The following ZMAT4 variants were observed in gnomAD, a reference collection of about 807,000 sequenced individuals.
ZMAT4 encodes the protein zinc finger matrin-type protein 4.
Under a neutral mutation model 28.7 loss-of-function variants are expected in ZMAT4, and 17 were observed. That is an observed-to-expected ratio of 0.59 (90% CI 0.41 to 0.89). ZMAT4 has a LOEUF of 0.89. ZMAT4 is among the 40% of genes least tolerant of loss of function. The probability of loss-of-function intolerance (pLI) is 0.00; values close to 1 mark genes in which losing one functional copy is unlikely to be tolerated. For missense variants in ZMAT4, 240 were observed against 283.8 expected (o/e 0.85, Z 1.11); for synonymous variants, 117 against 109.2 (o/e 1.07, Z -0.44).
At chr8:40,676,901 A>G (rs901626370) in intron 4 of ZMAT4, among the ~76,000 whole-genome samples, 1 of 152,152 alleles carries the variant, frequency 6.6e-6, no homozygotes, top group African/African-American at 2.4e-5. Context: ...TAAAAGCTAC[A>G]AATATGCAGT....
chr8:40,602,423 T>C (rs1304141937), intron 5 of ZMAT4, among the ~76,000 whole-genome samples: 1 of 152,200 alleles, frequency 6.6e-6, no homozygotes, highest in African/African-American at 2.4e-5. Flanking sequence ...AGATCTACTT[T>C]TAATTCTTTA....
chr8:40,836,826 C>T (rs1234160700), intron 1 of ZMAT4, among the ~76,000 whole-genome samples: 2 of 152,134 alleles, frequency 1.3e-5, no homozygotes, highest in Admixed American at 1.3e-4. Flanking sequence ...CAGATCTCAG[C>T]TTTGCTTTAG....
At chr8:40,810,141 A>G (rs1427798553) in intron 2 of ZMAT4, among the ~76,000 whole-genome samples, 1 of 152,200 alleles carries the variant, frequency 6.6e-6, no homozygotes, top group Non-Finnish European at 1.5e-5. Context: ...TATATAATAT[A>G]TATGCATGTG....
At chr8:40,748,285 G>C (rs1306814445) in intron 3 of ZMAT4, among the ~76,000 whole-genome samples, 1 of 152,196 alleles carries the variant, frequency 6.6e-6, no homozygotes, top group East Asian at 1.9e-4. Flanking sequence ...AAAAGGAATG[G>C]TTCCTGTTGC....
Position 40,593,189 on chromosome 8 carries a change from A to C in ZMAT4, c.578-11928T>G, listed in dbSNP as rs369101219. Reference sequence around the variant, plus strand: ...CACTAACACAGCAGGGCAATTTTTTATGTAAAGTGTTTTCATAAAATTCAT... The same window carrying C: ...CACTAACACAGCAGGGCAATTTTTTCTGTAAAGTGTTTTCATAAAATTCAT... On this transcript the variant is annotated intron_variant, in intron 5 of 6. Transcript: ENST00000297737. Among the ~76,000 whole-genome samples, 4 of 152,276 alleles carry C rather than the reference A, an allele frequency of 2.6e-5. No homozygotes were observed. In the East Asian group the frequency reaches 7.7e-4, roughly 29 times the overall value.
intron 2 of ZMAT4, among the ~76,000 whole-genome samples, chr8:40,824,691 T>C (rs1275713588): frequency 3.3e-5 from 2 of 61,380 alleles, no homozygotes; most frequent in Non-Finnish European, 7.2e-5. Flanking sequence ...CAAAGAAAAA[T>C]AAAGAAAGAA....
At chr8:40,688,342 G>T (rs1215031517) in intron 4 of ZMAT4, among the ~76,000 whole-genome samples, 1 of 152,058 alleles carries the variant, frequency 6.6e-6, no homozygotes, top group African/African-American at 2.4e-5. Flanking sequence ...TGTAATCCCA[G>T]CTGCTCGGGA....
At chr8:40,617,364 A>T (rs1328335005) in intron 5 of ZMAT4, among the ~76,000 whole-genome samples, 1 of 152,202 alleles carries the variant, frequency 6.6e-6, no homozygotes, top group Non-Finnish European at 1.5e-5. Context: ...GGGCCTATGC[A>T]GGTATATTTT....
intron 2 of ZMAT4, among the ~76,000 whole-genome samples, chr8:40,789,043 A>C: frequency 8.8e-6 from 1 of 113,622 alleles, no homozygotes. Flanking sequence ...GAAGGAAGGA[A>C]GGAGAAGGGA....
intron 1 of ZMAT4, among the ~76,000 whole-genome samples, chr8:40,888,737 A>T (rs1818560345): frequency 6.6e-6 from 1 of 152,236 alleles, no homozygotes; most frequent in African/African-American, 2.4e-5. Flanking sequence ...AGCATTAACA[A>T]ATGCGACACT....
chr8:40,787,737 G>A (rs1338014506), intron 2 of ZMAT4, among the ~76,000 whole-genome samples: 1 of 152,184 alleles, frequency 6.6e-6, no homozygotes, highest in Non-Finnish European at 1.5e-5. Flanking sequence ...CAGGCAGAGA[G>A]CACCCACAGT....
intron 3 of ZMAT4, among the ~76,000 whole-genome samples, chr8:40,702,340 C>T (rs895415966): frequency 2.6e-5 from 4 of 152,116 alleles, no homozygotes; most frequent in Non-Finnish European, 5.9e-5. Context: ...TAATTGACCT[C>T]AATGAATATA....
At chr8:40,682,861 G>GT (rs1245523296) in intron 4 of ZMAT4, among the ~76,000 whole-genome samples, 5 of 152,278 alleles carry the variant, frequency 3.3e-5, no homozygotes, top group South Asian at 2.1e-4. Context: ...TCTAAATATT[G>GT]TAAGTATGCC....
chr8:40,678,173 A>C (rs72639673), intron 4 of ZMAT4, among the ~76,000 whole-genome samples: 7,605 of 152,300 alleles, frequency 0.05, 305 homozygotes, highest in Non-Finnish European at 0.083. Flanking sequence ...TAAAAGAAAG[A>C]AGCATAATAC....
intron 3 of ZMAT4, among the ~76,000 whole-genome samples, chr8:40,753,912 G>A (rs759598392): frequency 6.6e-6 from 1 of 152,152 alleles, no homozygotes; most frequent in South Asian, 2.1e-4. Context: ...TTTAGGCTGG[G>A]CACAGTGGCT....
intron 5 of ZMAT4, among the ~76,000 whole-genome samples, chr8:40,593,469 AAT>A (rs1190567446): frequency 2.6e-5 from 4 of 152,092 alleles, no homozygotes; most frequent in African/African-American, 4.8e-5. Context: ...TTTCTTCCCA[AAT>A]GTTGGGGATT....
chr8:40,666,917 T>C (rs1218979554), intron 5 of ZMAT4, among the ~76,000 whole-genome samples: 1 of 152,068 alleles, frequency 6.6e-6, no homozygotes, highest in African/African-American at 2.4e-5. Flanking sequence ...CATGAATGCC[T>C]AAAATATATG....
At chr8:40,536,653 C>A (rs1031186748) in intron 6 of ZMAT4, among the ~76,000 whole-genome samples, 2 of 151,976 alleles carry the variant, frequency 1.3e-5, no homozygotes, top group Non-Finnish European at 2.9e-5. Flanking sequence ...AAACTCATCC[C>A]CCACCTCTCT....
At chr8:40,741,403 C>T (rs1245811592) in intron 3 of ZMAT4, among the ~76,000 whole-genome samples, 4 of 149,892 alleles carry the variant, frequency 2.7e-5, no homozygotes, top group Non-Finnish European at 5.9e-5. Context: ...GCCTAAATTG[C>T]GCTACTTCAC....
Sources: allele counts gnomAD v4.1 joint callset (sites outside exome capture counted in the v4.1 genomes callset), GRCh38; gene constraint gnomAD v4.1.1; transcripts MANE v1.5; gene names NCBI Gene and HGNC (gene_info 2026-07-23, HGNC 2026-07-21).